The following ANKRD18B variants were observed in gnomAD, a reference collection of about 807,000 sequenced individuals.
ANKRD18B encodes ankyrin repeat domain 18B, also known as ankyrin repeat domain-containing protein 18B.
Under a neutral mutation model 111.8 loss-of-function variants are expected in ANKRD18B, and 75 were observed. The ratio of observed to expected loss-of-function variants is 0.67; its 90% CI spans 0.56 to 0.81. The LOEUF is 0.81. Ranked by LOEUF, ANKRD18B falls within the 40% of genes least tolerant of loss-of-function variation. The probability of loss-of-function intolerance (pLI) is 0.00; values close to 1 mark genes in which losing one functional copy is unlikely to be tolerated. For synonymous variants in ANKRD18B, 356 were observed against 417.3 expected (o/e 0.85, Z 1.79); for missense variants, 1,038 against 1,225.5 (o/e 0.85, Z 2.28).
chr9:33,534,280 C>T (rs1178945820), intron 4 of ANKRD18B, 90 bp from the exon 5 acceptor site: 25 of 1,450,490 alleles, frequency 1.7e-5, no homozygotes, highest in African/African-American at 2.9e-5. Flanking sequence ...TCCTGACAGG[C>T]AAGATATGAA....
rs867508248 is a variant in ANKRD18B, at chr9:33,543,326, A to G, written c.1149+71A>G. 48 of 1,268,370 alleles carry G rather than the reference A, an allele frequency of 3.8e-5. No homozygotes were observed. In the African/African-American group the frequency reaches 6.5e-4, roughly 17 times the overall value. 78.6% of individuals were successfully genotyped at this position (1,268,370 alleles called of 1,614,324 possible). A position where few individuals can be genotyped will look rare whatever the true frequency, so the allele number is the denominator to read the frequency against. On this transcript the variant is annotated intron_variant, in intron 10 of 18. Coordinates refer to ENST00000684830, the MANE Select transcript of ANKRD18B (RefSeq NM_001393611.1). ...TTTCTTTAATAACATAGCATAGTCC[A>G]AATGAAGTGACCTTTTAGACTATCC...
At chr9:33,527,813 C>A (rs1421555103) in intron 1 of ANKRD18B, among the ~76,000 whole-genome samples, 9 of 152,044 alleles carry the variant, frequency 5.9e-5, no homozygotes, top group Admixed American at 5.9e-4. Flanking sequence ...TGTGTGATAT[C>A]CTACTATTTT....
At chr9:33,565,907 A>G (rs1828677299) in intron 14 of ANKRD18B, among the ~76,000 whole-genome samples, 1 of 152,226 alleles carries the variant, frequency 6.6e-6, no homozygotes, top group Admixed American at 6.5e-5. Flanking sequence ...AGGGTTAGAC[A>G]CTTTTTACTA....
At chr9:33,527,836 G>A (rs1828048895) in intron 1 of ANKRD18B, among the ~76,000 whole-genome samples, 1 of 152,120 alleles carries the variant, frequency 6.6e-6, no homozygotes, top group African/African-American at 2.4e-5. Context: ...ACATTAATGA[G>A]ATGATTTTTA....
rs993758415 is a variant in ANKRD18B at position 33,550,360 on chromosome 9, T to G, written c.2068-70T>G. 2.2e-5 allele frequency: 31 copies of G among 1,419,798 alleles called. No individual in the cohort carries two copies. In the African/African-American group the frequency reaches 4.2e-4, roughly 19 times the overall value. 88.0% of individuals were successfully genotyped at this position (1,419,798 alleles called of 1,614,324 possible). A position where few individuals can be genotyped will look rare whatever the true frequency, so the allele number is the denominator to read the frequency against. On this transcript the variant is annotated intron_variant, in intron 11 of 18. Transcript: ENST00000684830. ...GTAATAATTTTCAAAGTATGTATGC[T>G]AGAGTTAAATATTAACATAATTTAA...
rs1302278690 is a variant in ANKRD18B, at chr9:33,566,283, A to C, written c.2525A>C (p.Asn842Thr). ...SSKCVNLAKD[N>T]EVLHQELLSM... Reference sequence around the variant, plus strand: ...AAATGTGTCAATTTGGCCAAAGACAATGAAGTTCTTCATCAGGAGTTATTA... The same window carrying C: ...AAATGTGTCAATTTGGCCAAAGACACTGAAGTTCTTCATCAGGAGTTATTA... Residue 842 changes from asparagine to threonine, a missense_variant, in exon 15 of 19, where the codon AAT becomes ACT. Physicochemically the swap from Asn to Thr is moderately conservative, Grantham distance 65 (BLOSUM62 0). This residue lies in a region of ANKRD18B where 524 missense variants were observed against 677.9 expected (regional missense o/e 0.77). Coordinates refer to ENST00000684830, the MANE Select transcript of ANKRD18B (RefSeq NM_001393611.1). 1 of 1,561,234 alleles carries C rather than the reference A, an allele frequency of 6.4e-7. No individual in the cohort carries two copies. Among genetic ancestry groups the C allele is most frequent in the East Asian group, 2.4e-5 (1 of 41,836 alleles).
chr9:33,545,275 G>T (rs1332500290), intron 10 of ANKRD18B, among the ~76,000 whole-genome samples: 1 of 152,168 alleles, frequency 6.6e-6, no homozygotes, highest in African/African-American at 2.4e-5. Flanking sequence ...GAACCCAGTA[G>T]TTATGGCTGA....
At chr9:33,524,786 C>T in intron 1 of ANKRD18B, 91 bp downstream of exon 1, 1 of 1,434,618 alleles carries the variant, frequency 7.0e-7, no homozygotes, top group Non-Finnish European at 9.3e-7. Flanking sequence ...TCGCCGGGAC[C>T]CTGGGAGCCG....
At position 33,531,359 on chromosome 9, in the gene ANKRD18B, T is replaced by C. The variant is rs576807238; in HGVS notation, c.496-2080T>C. On this transcript the variant is annotated intron_variant, in intron 3 of 18. Coordinates refer to ENST00000684830, the MANE Select transcript of ANKRD18B (RefSeq NM_001393611.1). Reference sequence around the variant, plus strand: ...CAAATACTTGGTTTATACACAATCATTTAGCAACACATTCATAGCAAATAT... The same window carrying C: ...CAAATACTTGGTTTATACACAATCACTTAGCAACACATTCATAGCAAATAT... Among the ~76,000 whole-genome samples, 61 of 152,206 alleles carry C rather than the reference T, an allele frequency of 4.0e-4. 1 individual carries two copies. The highest frequency in any genetic ancestry group is 6.8e-4 in the Non-Finnish European group (46 of 68,042).
At chr9:33,537,564 A>T (rs934175921) in intron 6 of ANKRD18B, among the ~76,000 whole-genome samples, 6 of 152,184 alleles carry the variant, frequency 3.9e-5, no homozygotes, top group Non-Finnish European at 8.8e-5. Context: ...CTCTGTAATT[A>T]CATTGTTACG....
rs1563904106 is a variant in ANKRD18B at position 33,548,628 on chromosome 9, GA to G, written c.1841del (p.Glu614GlyfsTer18). 3 of 1,551,428 alleles carry G rather than the reference GA, an allele frequency of 1.9e-6. No individual in the cohort carries two copies. On this transcript the variant is annotated frameshift_variant, in exon 11 of 19. Coordinates refer to ENST00000684830, the MANE Select transcript of ANKRD18B (RefSeq NM_001393611.1). LOFTEE classifies it high-confidence loss of function. ...SQSIGKQNSSEERIRQRELEN... is the reference protein window; with the variant it reads ...SQSIGKQNSSXERIRQRELEN... Reference sequence around the variant, plus strand: ...ATCCATTGGAAAGCAGAACTCTTCAGAGGAGAGAATACGTCAACGAGAACTT... The same window carrying G: ...ATCCATTGGAAAGCAGAACTCTTCAGGGAGAGAATACGTCAACGAGAACTT...
chr9:33,572,413 A>G lies in ANKRD18B; in HGVS notation c.3321A>G (p.Leu1107=), dbSNP rs1189150667. The change falls in exon 19 of 19, where the codon TTA becomes TTG. Residue 1107 remains leucine (L), a synonymous_variant. Transcript: ENST00000684830. ...LMKRIFNHKI[L]RKSCMI ...AGAGAATATTTAACCATAAAATCTTAAGGAAAAGTTGTATGATTTAAAAGA... is the reference window on the plus strand; with the variant it reads ...AGAGAATATTTAACCATAAAATCTTGAGGAAAAGTTGTATGATTTAAAAGA... 1 of 1,579,018 alleles carries G rather than the reference A, an allele frequency of 6.3e-7. No individual in the cohort carries two copies. The highest frequency in any genetic ancestry group is 1.4e-5 in the African/African-American group (1 of 73,228).
At chr9:33,562,474 T>C (rs1037901581) in intron 14 of ANKRD18B, among the ~76,000 whole-genome samples, 1 of 152,180 alleles carries the variant, frequency 6.6e-6, no homozygotes, top group African/African-American at 2.4e-5. Context: ...ACAGCTCTGC[T>C]TTCTAGCTCA....
chr9:33,565,692 C>G (rs1287410403), intron 14 of ANKRD18B, among the ~76,000 whole-genome samples: 1 of 151,990 alleles, frequency 6.6e-6, no homozygotes, highest in Non-Finnish European at 1.5e-5. Flanking sequence ...TGGCTGATCT[C>G]AAATTCCTGG....
intron 1 of ANKRD18B, among the ~76,000 whole-genome samples, chr9:33,528,327 A>C (rs1481927858): frequency 1.3e-5 from 2 of 152,180 alleles, no homozygotes; most frequent in Non-Finnish European, 2.9e-5. Context: ...ACAGTTATTG[A>C]GTTGTTGCTT....
Position 33,567,284 on chromosome 9 carries a change from C to T in ANKRD18B, c.2924C>T (p.Ala975Val). Residue 975 changes from alanine to valine, a missense_variant, in exon 16 of 19, where the codon GCT becomes GTT. Transcript: ENST00000684830. ...GAAGCCTTTGCAGTAGCATTGAAAG[C>T]TAACAGTTCCATGTCAGAAAAAATA... ...YKEAFAVALKANSSMSEKITK... is the reference protein window; with the variant it reads ...YKEAFAVALKVNSSMSEKITK... The T allele has an allele frequency of 6.5e-7, 1 of 1,546,206 alleles. No homozygotes were observed. Among genetic ancestry groups the T allele is most frequent in the Non-Finnish European group, 8.7e-7 (1 of 1,145,472 alleles).
chr9:33,545,351 G>T (rs891299336), intron 10 of ANKRD18B, among the ~76,000 whole-genome samples: 12 of 152,148 alleles, frequency 7.9e-5, no homozygotes, highest in Non-Finnish European at 1.8e-4. Flanking sequence ...ACCACAGATT[G>T]GAAATTAGTC....
intron 1 of ANKRD18B, among the ~76,000 whole-genome samples, chr9:33,525,578 CAA>C (rs1205070664): frequency 2.6e-5 from 4 of 151,904 alleles, no homozygotes; most frequent in African/African-American, 7.3e-5. Context: ...GAAGAAAACA[CAA>C]AGACTTATTT....
intron 14 of ANKRD18B, among the ~76,000 whole-genome samples, chr9:33,565,209 G>A (rs1828667240): frequency 6.6e-6 from 1 of 152,144 alleles, no homozygotes; most frequent in East Asian, 1.9e-4. Flanking sequence ...GTGTTAGATA[G>A]GAAGCTAGTA....
Sources: allele counts gnomAD v4.1 joint callset (sites outside exome capture counted in the v4.1 genomes callset), GRCh38; gene constraint gnomAD v4.1.1; regional missense constraint gnomAD v4.1.1; transcripts MANE v1.5; gene names NCBI Gene and HGNC (gene_info 2026-07-23, HGNC 2026-07-21).